Variants in RBFOX1 observed in about 807,000 individuals in gnomAD.
The protein encoded by RBFOX1 is RNA binding fox-1 homolog 1.
Under a neutral mutation model 57.7 loss-of-function variants are expected in RBFOX1, and 8 were observed. The observed-to-expected ratio is 0.14, with a 90% CI of 0.08 to 0.25. RBFOX1 has a LOEUF of 0.25. Among genes scored for constraint, RBFOX1 ranks in the 10% least tolerant of loss-of-function variants. RBFOX1 has a pLI of 1.00. For missense variants in RBFOX1, 611 were observed against 548.5 expected, an observed-to-expected ratio of 1.11 and a Z score of -1.14; for synonymous variants, 326 against 222.4, an observed-to-expected ratio of 1.47 and a Z score of -4.15.
intron 4 of RBFOX1, among the ~76,000 whole-genome samples, chr16:6,001,617 C>A (rs1362910409): frequency 6.6e-6 from 1 of 152,052 alleles, no homozygotes; most frequent in African/African-American, 2.4e-5. Flanking sequence ...AGATTATTAA[C>A]CTTAGTGCTT....
intron 3 of RBFOX1, among the ~76,000 whole-genome samples, chr16:6,870,443 G>A (rs1456473031): frequency 6.6e-6 from 1 of 152,118 alleles, no homozygotes; most frequent in Non-Finnish European, 1.5e-5. Flanking sequence ...AAATATCTAA[G>A]GTTTTAGTTG....
intron 3 of RBFOX1, among the ~76,000 whole-genome samples, chr16:6,724,806 C>T (rs986700440): frequency 6.6e-6 from 1 of 151,726 alleles, no homozygotes; most frequent in Non-Finnish European, 1.5e-5. Context: ...AAATGTGTAC[C>T]ATTGTGATTT....
intron 1 of RBFOX1, among the ~76,000 whole-genome samples, chr16:6,127,741 G>C (rs1000333561): frequency 4.6e-5 from 7 of 152,058 alleles, no homozygotes; most frequent in South Asian, 4.1e-4. Context: ...CAACACTCCG[G>C]GAAAAATGGG....
chr16:6,693,120 C>T (rs1297696115), intron 3 of RBFOX1, among the ~76,000 whole-genome samples: 5 of 151,362 alleles, frequency 3.3e-5, no homozygotes, highest in African/African-American at 1.2e-4. Flanking sequence ...CCTCCCCCAC[C>T]ATCACCATCA....
At chr16:7,116,278 G>A (rs573021333) in intron 4 of RBFOX1, among the ~76,000 whole-genome samples, 1 of 152,256 alleles carries the variant, frequency 6.6e-6, no homozygotes, top group African/African-American at 2.4e-5. Flanking sequence ...GGCTATCCGA[G>A]CTGCTCTATC....
intron 3 of RBFOX1, among the ~76,000 whole-genome samples, chr16:6,877,470 G>C (rs1483161153): frequency 6.6e-6 from 1 of 152,084 alleles, no homozygotes; most frequent in Non-Finnish European, 1.5e-5. Flanking sequence ...ACTTCTGCTT[G>C]ATATCAGACC....
At chr16:6,964,082 A>G (rs2083574463) in intron 3 of RBFOX1, among the ~76,000 whole-genome samples, 2 of 151,622 alleles carry the variant, frequency 1.3e-5, no homozygotes, top group African/African-American at 4.8e-5. Context: ...GCAGTGGTGC[A>G]TTCTCGGCTC....
At chr16:7,077,495 A>T (rs2058491616) in intron 4 of RBFOX1, among the ~76,000 whole-genome samples, 1 of 152,182 alleles carries the variant, frequency 6.6e-6, no homozygotes, top group Non-Finnish European at 1.5e-5. Context: ...GTAAGATCAT[A>T]AACATGGACT....
chr16:6,321,905 G>A lies in RBFOX1; in HGVS notation c.-64+4848G>A, dbSNP rs186506411. Among the ~76,000 whole-genome samples, 452 of 152,268 alleles carry A rather than the reference G, an allele frequency of 3.0e-3. 4 individuals are homozygous for A. Among genetic ancestry groups the A allele is most frequent in the African/African-American group, 9.2e-3 (384 of 41,550 alleles). ...TCCAGATCTATCACTGAATTCTAAT[G>A]CCATATGCAGCACAGATTGCTATAC... On this transcript the variant is annotated intron_variant, in intron 2 of 15. Transcript: ENST00000550418.
chr16:5,623,620 G>A (rs1438652087), intron 3 of RBFOX1, among the ~76,000 whole-genome samples: 4 of 151,994 alleles, frequency 2.6e-5, no homozygotes, highest in African/African-American at 7.3e-5. Context: ...GCCTTCTTTT[G>A]TTCCCGCTAC....
intron 3 of RBFOX1, among the ~76,000 whole-genome samples, chr16:6,853,464 A>T (rs1343483025): frequency 1.3e-5 from 2 of 152,054 alleles, no homozygotes; most frequent in East Asian, 3.9e-4. Context: ...AATCATCCTG[A>T]TGGAGGATGG....
chr16:5,365,824 G>T (rs982400393), intron 1 of RBFOX1: 6 of 517,336 alleles, frequency 1.2e-5, no homozygotes, highest in Non-Finnish European at 2.3e-5. Context: ...ATGGACATGA[G>T]CCCCCTGAGG....
chr16:5,527,390 C>T (rs78056149), intron 2 of RBFOX1, among the ~76,000 whole-genome samples: 2,688 of 152,232 alleles, frequency 0.018, 74 homozygotes, highest in African/African-American at 0.06. Context: ...TCTCTTCCAC[C>T]GGCTTAATGC....
intron 4 of RBFOX1, among the ~76,000 whole-genome samples, chr16:7,282,822 A>G (rs1211741128): frequency 6.6e-6 from 1 of 152,178 alleles, no homozygotes; most frequent in Non-Finnish European, 1.5e-5. Context: ...ATGAGTGAGA[A>G]CATATGATGT....
At chr16:6,489,300 T>C (rs960045223) in intron 2 of RBFOX1, among the ~76,000 whole-genome samples, 5 of 152,236 alleles carry the variant, frequency 3.3e-5, no homozygotes, top group African/African-American at 1.2e-4. Context: ...CTCTTATCTT[T>C]AAAGGTTTGG....
At chr16:7,169,688 C>T (rs907434668) in intron 4 of RBFOX1, among the ~76,000 whole-genome samples, 6 of 152,190 alleles carry the variant, frequency 3.9e-5, no homozygotes, top group Non-Finnish European at 7.3e-5. Flanking sequence ...TACTACTACA[C>T]CAATGTCAAG....
chr16:5,841,624 G>T (rs1485932608), intron 3 of RBFOX1, among the ~76,000 whole-genome samples: 1 of 152,154 alleles, frequency 6.6e-6, no homozygotes, highest in Non-Finnish European at 1.5e-5. Flanking sequence ...ATATACTTCT[G>T]TTAATCTCTA....
At chr16:7,249,768 G>A (rs1277528473) in intron 4 of RBFOX1, among the ~76,000 whole-genome samples, 1 of 152,136 alleles carries the variant, frequency 6.6e-6, no homozygotes, top group Non-Finnish European at 1.5e-5. Context: ...ACAGTGATGA[G>A]CAACATTGTG....
rs550731946 is a variant in RBFOX1, at chr16:5,372,001, A to G, written c.220-95215A>G. ...AAGTGGCAAAGAGAGCTGTCCTCAT[A>G]AGGGGGGAATCCTCTTTTAAGATGC... On this transcript the variant is annotated intron_variant, in intron 1 of 2. Coordinates refer to the RBFOX1 transcript ENST00000585867. 2.7e-3 allele frequency among the ~76,000 whole-genome samples: 416 copies of G among 152,192 alleles called. 6 individuals carry two copies. The highest frequency in any genetic ancestry group is 4.1e-3 in the Non-Finnish European group (281 of 67,996).
Sources: gnomAD v4.1 joint callset for allele counts (sites outside exome capture counted in the v4.1 genomes callset) on GRCh38, gnomAD v4.1.1 for gene constraint, MANE v1.5 for transcripts, NCBI Gene and HGNC (gene_info 2026-07-23, HGNC 2026-07-21) for gene names.